Variants in HTR3B observed in about 807,000 individuals in gnomAD.
HTR3B encodes 5-hydroxytryptamine (serotonin) receptor 3B, ionotropic.
In HTR3B, 44 loss-of-function variants were observed where a neutral mutation model predicts 42.8. The ratio of observed to expected loss-of-function variants is 1.03; its 90% CI spans 0.81 to 1.32. The LOEUF is 1.32. HTR3B is among the 40% of genes most tolerant of loss of function. The pLI is 0.00. For synonymous variants in HTR3B, 203 were observed against 209.0 expected, an observed-to-expected ratio of 0.97 and a Z score of 0.25; for missense variants, 527 against 536.5, an observed-to-expected ratio of 0.98 and a Z score of 0.17.
chr11:113,942,890 G>A, intron 6 of HTR3B, 92 bp from the exon 7 acceptor site: 1 of 1,021,350 alleles, frequency 9.8e-7, no homozygotes, highest in East Asian at 2.5e-5. Flanking sequence ...AAAACGTTGG[G>A]TCTTCGGGGA....
chr11:113,910,833 C>CTTTTTT (rs11380661), intron 2 of HTR3B, among the ~76,000 whole-genome samples: 1 of 140,340 alleles, frequency 7.1e-6, no homozygotes, highest in African/African-American at 2.6e-5. Flanking sequence ...GTTTTCTTTT[C>CTTTTTT]TTTTTTTTTT....
chr11:113,924,285 G>A (rs1471750312), intron 2 of HTR3B, among the ~76,000 whole-genome samples: 1 of 152,048 alleles, frequency 6.6e-6, no homozygotes, highest in East Asian at 1.9e-4. Context: ...TTTAGTGGGT[G>A]AGACATAATC....
In HTR3B at chr11:113,909,386, A is replaced by G; in HGVS notation, c.144A>G (p.Arg48=). ...TACAGAAATATCATAAAGAAGTGAG[A>G]CCTGTTTACAACTGGACCAAGGCCA... is the stretch of plus-strand genomic sequence containing the variant. ...QLLQKYHKEV[R]PVYNWTKATT... Residue 48 remains arginine, a synonymous_variant, in exon 2 of 9, where the codon AGA becomes AGG. Coordinates refer to ENST00000260191, the MANE Select transcript of HTR3B (RefSeq NM_006028.5). The G allele has an allele frequency of 6.2e-7, 1 of 1,613,828 alleles. No individual in the cohort carries two copies. Among genetic ancestry groups the G allele is most frequent in the Non-Finnish European group, 8.5e-7 (1 of 1,179,728 alleles).
chr11:113,928,115 T>C (rs1466714748), intron 2 of HTR3B, among the ~76,000 whole-genome samples: 1 of 152,178 alleles, frequency 6.6e-6, no homozygotes, highest in Non-Finnish European at 1.5e-5. Flanking sequence ...CTCCCACTTA[T>C]GAGTGAGAAC....
chr11:113,933,481 C>T (rs1417547342), intron 6 of HTR3B, among the ~76,000 whole-genome samples: 2 of 150,430 alleles, frequency 1.3e-5, no homozygotes, highest in Non-Finnish European at 3.0e-5. Context: ...ACATTATTGT[C>T]CTATTTTTTT....
At position 113,911,573 on chromosome 11, in the gene HTR3B, C is replaced by G. The variant is rs550697975; in HGVS notation, c.213+2118C>G. On this transcript the variant is annotated intron_variant, in intron 2 of 8. Transcript: ENST00000260191. ...ATGGAGTCTCACTCTGTTGCCCAGGCTGGAGTGCTGTGGCACCATCTTGGC... is the reference window on the plus strand; with the variant it reads ...ATGGAGTCTCACTCTGTTGCCCAGGGTGGAGTGCTGTGGCACCATCTTGGC... Among the ~76,000 whole-genome samples the G allele has an allele frequency of 2.0e-5, 3 of 152,186 alleles. No homozygotes were observed. In the East Asian group the frequency reaches 5.8e-4, roughly 29 times the overall value.
At chr11:113,906,372 A>C (rs917280224) in intron 1 of HTR3B, among the ~76,000 whole-genome samples, 1 of 152,156 alleles carries the variant, frequency 6.6e-6, no homozygotes, top group Admixed American at 6.6e-5. Flanking sequence ...CTGCTTCACC[A>C]CTCACCAGCC....
chr11:113,916,303 A>T (rs1015031993), intron 2 of HTR3B, among the ~76,000 whole-genome samples: 5 of 152,146 alleles, frequency 3.3e-5, no homozygotes, highest in Admixed American at 1.3e-4. Flanking sequence ...CAAATCTTTT[A>T]TTTAATTTTA....
At position 113,922,834 on chromosome 11, in the gene HTR3B, C is replaced by T. The variant is rs75365169; in HGVS notation, c.214-8550C>T. Among the ~76,000 whole-genome samples the T allele has an allele frequency of 2.6e-5, 4 of 152,298 alleles. No individual in the cohort carries two copies. In the East Asian group the frequency reaches 5.8e-4, roughly 22 times the overall value. On this transcript the variant is annotated intron_variant, in intron 2 of 8. Transcript: ENST00000260191. Reference sequence around the variant, plus strand: ...CCTCCCAAAGTGCTGGGATTATAGGCGTGAGCTACCGCGCCCGGCAAGTCT... The same window carrying T: ...CCTCCCAAAGTGCTGGGATTATAGGTGTGAGCTACCGCGCCCGGCAAGTCT...
At chr11:113,939,928 C>T (rs960018964) in intron 6 of HTR3B, among the ~76,000 whole-genome samples, 1 of 150,474 alleles carries the variant, frequency 6.6e-6, no homozygotes, top group Admixed American at 6.6e-5. Flanking sequence ...ACTCTGTTGC[C>T]CAGGCTGGAG....
At chr11:113,923,584 T>C (rs1258283749) in intron 2 of HTR3B, among the ~76,000 whole-genome samples, 12 of 152,196 alleles carry the variant, frequency 7.9e-5, no homozygotes, top group Admixed American at 7.2e-4. Flanking sequence ...GTAGGGGAAT[T>C]ATCTGTATAT....
intron 2 of HTR3B, among the ~76,000 whole-genome samples, chr11:113,929,010 AG>A (rs1056520444): frequency 6.6e-6 from 1 of 152,174 alleles, no homozygotes. Flanking sequence ...CCCTGCTTTC[AG>A]TTCTCTTGGG....
chr11:113,909,273 A>C, intron 1 of HTR3B, 22 bp from the exon 2 acceptor site: 1 of 1,601,828 alleles, frequency 6.2e-7, no homozygotes, highest in Non-Finnish European at 8.6e-7. Context: ...TTTTATCTTC[A>C]CAATGATAGT....
Position 113,946,298 on chromosome 11 carries a change from C to T in HTR3B, c.*161C>T, listed in dbSNP as rs943509334. ...GGAGGATTGCTTGAGCCCAGGAGTT[C>T]GAGACCAGCCAGAGCAACATAGTGA... On this transcript the variant is annotated 3_prime_UTR_variant, in exon 9 of 9. Transcript: ENST00000260191. 4.0e-5 allele frequency: 24 copies of T among 604,918 alleles called. No individual in the cohort carries two copies. The highest frequency in any genetic ancestry group is 5.7e-5 in the South Asian group (3 of 52,876). 37.5% of individuals were successfully genotyped at this position (604,918 alleles called of 1,614,324 possible). A position where few individuals can be genotyped will look rare whatever the true frequency, so the allele number is the denominator to read the frequency against.
chr11:113,906,892 C>T (rs1949738366), intron 1 of HTR3B, among the ~76,000 whole-genome samples: 1 of 152,194 alleles, frequency 6.6e-6, no homozygotes, highest in African/African-American at 2.4e-5. Flanking sequence ...GCCTGGCATA[C>T]AGTCAGCATT....
At chr11:113,926,448 T>C (rs1591578725) in intron 2 of HTR3B, among the ~76,000 whole-genome samples, 1 of 135,140 alleles carries the variant, frequency 7.4e-6, no homozygotes, top group Admixed American at 7.7e-5. Context: ...ATCAGACTGC[T>C]TTTCCTTTCC....
At chr11:113,913,548 T>C (rs1274794684) in intron 2 of HTR3B, among the ~76,000 whole-genome samples, 1 of 148,852 alleles carries the variant, frequency 6.7e-6, no homozygotes, top group African/African-American at 2.5e-5. Flanking sequence ...GAAATCTCTC[T>C]CTGTCACCCA....
chr11:113,905,536 A>T (rs2137480302), intron 1 of HTR3B, among the ~76,000 whole-genome samples: 1 of 152,328 alleles, frequency 6.6e-6, no homozygotes, highest in Admixed American at 6.5e-5. Flanking sequence ...ATAAACTGGT[A>T]AGTTTTGAGT....
At chr11:113,902,297 G>GTTTTTT (rs1009535275), upstream of HTR3B, among the ~76,000 whole-genome samples, 1 of 148,730 alleles carries the variant, frequency 6.7e-6, no homozygotes, top group South Asian at 2.1e-4. Context: ...TTTGTTTTTT[G>GTTTTTT]TTTTTTTTTT....
Sources: allele counts gnomAD v4.1 joint callset (sites outside exome capture counted in the v4.1 genomes callset), GRCh38; gene constraint gnomAD v4.1.1; transcripts MANE v1.5; gene names NCBI Gene and HGNC (gene_info 2026-07-23, HGNC 2026-07-21).